COL6A6: variants seen among roughly 807,000 people sequenced by gnomAD.
COL6A6 encodes collagen alpha-6(VI) chain.
In COL6A6, 183 loss-of-function variants were observed where a neutral mutation model predicts 208.6. That is an observed-to-expected ratio of 0.88 (90% confidence interval 0.78 to 0.99). The LOEUF (loss-of-function observed/expected upper bound fraction) is 0.99, where lower values mean the gene tolerates loss of function less well. COL6A6 is among the 50% of genes least tolerant of loss of function. The pLI, the probability that COL6A6 is intolerant of heterozygous loss-of-function variation, is 0.00. For missense variants in COL6A6, 2,816 were observed against 2,815.2 expected (o/e 1.00, Z -0.01); for synonymous variants, 973 against 1,011.8 (o/e 0.96, Z 0.73).
intron 1 of COL6A6, among the ~76,000 whole-genome samples, chr3:130,519,939 C>T (rs999611048): frequency 2.0e-5 from 3 of 152,136 alleles, no homozygotes; most frequent in Non-Finnish European, 4.4e-5. Flanking sequence ...TTAACAGGAA[C>T]GAATGATCCG....
chr3:130,618,776 A>G (rs1479810559), intron 23 of COL6A6, among the ~76,000 whole-genome samples: 1 of 152,200 alleles, frequency 6.6e-6, no homozygotes, highest in Admixed American at 6.5e-5. Flanking sequence ...GTATCCAACC[A>G]TCTACTCATC....
chr3:130,674,995 C>T (rs1306720056), intron 36 of COL6A6, among the ~76,000 whole-genome samples: 1 of 152,134 alleles, frequency 6.6e-6, no homozygotes, highest in African/African-American at 2.4e-5. Flanking sequence ...TGAAGTAATA[C>T]TTTTGCATAC....
chr3:130,563,497 G>A lies in COL6A6; in HGVS notation c.494G>A (p.Gly165Glu), dbSNP rs776380009. 38 of 1,613,980 alleles carry A rather than the reference G, an allele frequency of 2.4e-5. No individual in the cohort carries two copies. The highest frequency in any genetic ancestry group is 3.2e-5 in the Non-Finnish European group (38 of 1,179,896). Residue 165 changes from glycine (G) to glutamate (E), a missense_variant, in exon 3 of 37, where the codon GGG (glycine) becomes GAG (glutamate). Physicochemically the swap from Gly to Glu is moderately conservative, Grantham distance 98. Coordinates refer to ENST00000358511, the MANE Select transcript of COL6A6 (RefSeq NM_001102608.3). ...GACGGAGTGAAAATCATCTCTGTAGGGGTGCAGAAAGCTTCTGAGGAAAAC... is the reference window on the plus strand; with the variant it reads ...GACGGAGTGAAAATCATCTCTGTAGAGGTGCAGAAAGCTTCTGAGGAAAAC... Reference protein sequence around the residue: ...RKDGVKIISVGVQKASEENLK... With the variant: ...RKDGVKIISVEVQKASEENLK...
chr3:130,596,139 T>C (rs2063845331), intron 18 of COL6A6, among the ~76,000 whole-genome samples: 1 of 152,308 alleles, frequency 6.6e-6, no homozygotes, highest in East Asian at 1.9e-4. Context: ...AACAGAGGAA[T>C]TTGCGCATGA....
In COL6A6 at chr3:130,649,449, C is replaced by G. The variant is rs750987519; in HGVS notation, c.5620C>G (p.Gln1874Glu). ...AATCGCCACATTTTTCAGCAGCGGT[C>G]AGTCCGCGGATGCCCACTCCATCAC... ...RKIATFFSSG[Q>E]SADAHSITTA... The change falls in exon 33 of 37, where the codon CAG (glutamine) becomes GAG (glutamate). Residue 1874 changes from glutamine (Q) to glutamate (E), a missense_variant. Coordinates refer to ENST00000358511, the MANE Select transcript of COL6A6 (RefSeq NM_001102608.3). 11 of 1,612,648 alleles carry G rather than the reference C, an allele frequency of 6.8e-6. No individual in the cohort carries two copies. Among genetic ancestry groups the G allele is most frequent in the Non-Finnish European group, 9.3e-6 (11 of 1,179,406 alleles).
intron 18 of COL6A6, 150 bp from the exon 19 acceptor site, chr3:130,598,215 G>A: frequency 3.4e-6 from 2 of 582,818 alleles, no homozygotes; most frequent in Non-Finnish European, 6.1e-6. Flanking sequence ...GAAAATACTT[G>A]TAAGCCATCT....
chr3:130,661,530 T>C, intron 34 of COL6A6, 107 bp from the exon 35 acceptor site: 1 of 845,070 alleles, frequency 1.2e-6, no homozygotes. Flanking sequence ...ATTTAGTCAC[T>C]ATTTTAACAT....
At chr3:130,524,405 G>A (rs4682614) in intron 1 of COL6A6, among the ~76,000 whole-genome samples, 35,823 of 151,996 alleles carry the variant, frequency 0.24, 4,757 homozygotes, top group African/African-American at 0.37. Context: ...CATACAAAGT[G>A]TATAAATTCC....
intron 23 of COL6A6, among the ~76,000 whole-genome samples, chr3:130,613,516 A>G (rs1391490795): frequency 6.6e-6 from 1 of 152,146 alleles, no homozygotes; most frequent in Non-Finnish European, 1.5e-5. Context: ...GGTTCTGTAT[A>G]ATTTTAAAAT....
At chr3:130,532,021 T>C (rs1348690156) in intron 1 of COL6A6, among the ~76,000 whole-genome samples, 1 of 152,226 alleles carries the variant, frequency 6.6e-6, no homozygotes, top group Non-Finnish European at 1.5e-5. Flanking sequence ...CAGATGAACA[T>C]GTAAATGCAT....
chr3:130,657,540 C>T (rs759871109), intron 33 of COL6A6, among the ~76,000 whole-genome samples: 8 of 152,136 alleles, frequency 5.3e-5, no homozygotes, highest in East Asian at 1.9e-4. Flanking sequence ...GAAGCATAGC[C>T]GCTATGATTG....
At position 130,581,916 on chromosome 3, in the gene COL6A6, T is replaced by A. The variant is rs1302254182; in HGVS notation, c.3891+12T>A. 3.7e-6 allele frequency: 6 copies of A among 1,600,136 alleles called. No homozygotes were observed. Among genetic ancestry groups the A allele is most frequent in the East Asian group, 4.5e-5 (2 of 44,796 alleles). On this transcript the variant is annotated intron_variant, in intron 9 of 36. Transcript: ENST00000358511. ...CTGCTCGAGGAAAGGTAACATGGAT[T>A]TATCTTATTTGTTGGTCTATGATTG...
Position 130,586,523 on chromosome 3 carries a change from A to C in COL6A6, c.3988A>C (p.Thr1330Pro), listed in dbSNP as rs765146686. Residue 1330 changes from threonine (T) to proline (P), a missense_variant, in exon 11 of 37, where the codon ACT (threonine) becomes CCT (proline). By Grantham distance (38) the Thr-to-Pro change is conservative (BLOSUM62 -1). Transcript: ENST00000358511. ...TTGGATAGGCCTGAATGCCCTCATAACTGTTGCTCTGGATGGACCTGCTGA... is the reference window on the plus strand; with the variant it reads ...TTGGATAGGCCTGAATGCCCTCATACCTGTTGCTCTGGATGGACCTGCTGA... ...LRKEGLNALITVALDGPADSS... is the reference protein window; with the variant it reads ...LRKEGLNALIPVALDGPADSS... 2 of 1,613,302 alleles carry C rather than the reference A, an allele frequency of 1.2e-6. No individual in the cohort carries two copies. Among genetic ancestry groups the C allele is most frequent in the Non-Finnish European group, 1.7e-6 (2 of 1,179,648 alleles).
At chr3:130,643,344 A>G (rs1290135876) in intron 31 of COL6A6, among the ~76,000 whole-genome samples, 1 of 152,242 alleles carries the variant, frequency 6.6e-6, no homozygotes, top group Non-Finnish European at 1.5e-5. Flanking sequence ...AAAGATGATT[A>G]TTAATGCCTG....
chr3:130,541,631 G>T (rs943359683), intron 1 of COL6A6, among the ~76,000 whole-genome samples: 11 of 152,076 alleles, frequency 7.2e-5, no homozygotes, highest in African/African-American at 2.7e-4. Flanking sequence ...TCAGTGTTCT[G>T]GGCTTTGGCC....
At chr3:130,536,594 T>C (rs2062230974) in intron 1 of COL6A6, among the ~76,000 whole-genome samples, 1 of 152,186 alleles carries the variant, frequency 6.6e-6, no homozygotes, top group Non-Finnish European at 1.5e-5. Context: ...AAGAAGGATG[T>C]AATATTTAAA....
rs377667400 is a variant in COL6A6, at chr3:130,571,211, C to T, written c.2795C>T (p.Thr932Met). The change falls in exon 7 of 37, where the codon ACG becomes ATG. Residue 932 changes from threonine (T) to methionine (M), a missense_variant. Coordinates refer to ENST00000358511, the MANE Select transcript of COL6A6 (RefSeq NM_001102608.3). Reference protein sequence around the residue: ...ESHDADKLNATAKALRDKGIL... With the variant: ...ESHDADKLNAMAKALRDKGIL... Reference sequence around the variant, plus strand: ...CATGATGCTGATAAACTCAATGCCACGGCAAAGGCCTTGCGGGACAAAGGC... The same window carrying T: ...CATGATGCTGATAAACTCAATGCCATGGCAAAGGCCTTGCGGGACAAAGGC... The T allele has an allele frequency of 1.8e-4, 294 of 1,613,712 alleles. No homozygotes were observed. The highest frequency in any genetic ancestry group is 4.5e-4 in the East Asian group (20 of 44,882).
intron 34 of COL6A6, among the ~76,000 whole-genome samples, chr3:130,659,573 C>G (rs982031908): frequency 6.6e-6 from 1 of 152,094 alleles, no homozygotes; most frequent in Non-Finnish European, 1.5e-5. Context: ...TAAAATCACC[C>G]TAAAACATTT....
At position 130,581,849 on chromosome 3, in the gene COL6A6, A is replaced by T. The variant is rs1398059530; in HGVS notation, c.3836A>T (p.Asn1279Ile). 4 of 1,612,964 alleles carry T rather than the reference A, an allele frequency of 2.5e-6. No homozygotes were observed. Among genetic ancestry groups the T allele is most frequent in the Non-Finnish European group, 3.4e-6 (4 of 1,179,244 alleles). Residue 1279 changes from asparagine (N) to isoleucine (I), a missense_variant, in exon 9 of 37, where the codon AAC becomes ATC. Coordinates refer to ENST00000358511, the MANE Select transcript of COL6A6 (RefSeq NM_001102608.3). ...AAAGGACCATCTCTTCTCAATGCAA[A>T]CCTCTTGGATTCTCTATGGGATACA... is the stretch of plus-strand genomic sequence containing the variant. ...TVKGPSLLNA[N>I]LLDSLWDTFQ...
Sources: gnomAD v4.1 joint callset for allele counts (sites outside exome capture counted in the v4.1 genomes callset) on GRCh38, gnomAD v4.1.1 for gene constraint, MANE v1.5 for transcripts, NCBI Gene and HGNC (gene_info 2026-07-23, HGNC 2026-07-21) for gene names.